Variants in PRKD3 observed in about 807,000 individuals in gnomAD.
PRKD3 encodes protein kinase D3.
A neutral mutation model predicts 99.2 loss-of-function variants in PRKD3; 47 were observed. The ratio of observed to expected loss-of-function variants is 0.47; its 90% CI spans 0.38 to 0.60. The LOEUF (loss-of-function observed/expected upper bound fraction) is 0.60. Among genes scored for constraint, PRKD3 ranks in the 20% least tolerant of loss-of-function variants. The pLI, the probability that PRKD3 is intolerant of heterozygous loss-of-function variation, is 0.00. For missense variants in PRKD3, 1,019 were observed against 1,088.4 expected, an observed-to-expected ratio of 0.94 and a Z score of 0.90; for synonymous variants, 392 against 355.4, an observed-to-expected ratio of 1.10 and a Z score of -1.16.
intron 7 of PRKD3, among the ~76,000 whole-genome samples, chr2:37,280,382 C>T (rs1305174071): frequency 6.6e-6 from 1 of 151,940 alleles, no homozygotes; most frequent in Non-Finnish European, 1.5e-5. Flanking sequence ...AAAAAATACA[C>T]AAATCATAAG....
At chr2:37,305,652 A>C (rs551109873) in intron 2 of PRKD3, among the ~76,000 whole-genome samples, 336 of 152,308 alleles carry the variant, frequency 2.2e-3, no homozygotes, top group Non-Finnish European at 3.7e-3. Context: ...AATAAGATAA[A>C]CACTTTATCT....
At chr2:37,316,215 C>T (rs968266453) in intron 2 of PRKD3, 22 bp downstream of exon 2, 6 of 1,573,580 alleles carry the variant, frequency 3.8e-6, no homozygotes, top group African/African-American at 1.4e-5. Context: ...TTATTTACTA[C>T]TGATAATAGC....
chr2:37,309,492 A>T (rs961903212), intron 2 of PRKD3, among the ~76,000 whole-genome samples: 14 of 152,362 alleles, frequency 9.2e-5, no homozygotes, highest in African/African-American at 3.1e-4. Context: ...TGACTAGTTA[A>T]ATCAGTTGAC....
rs569058480 is a variant in PRKD3 at position 37,308,634 on chromosome 2, T to A, written c.288+7603A>T. ...CACACCTGGCTAGTTTTTGTATTTT[T>A]AGTAGAGACAGGCTTTTGCCATGTT... On this transcript the variant is annotated intron_variant, in intron 2 of 18. Coordinates refer to ENST00000234179, the MANE Select transcript of PRKD3 (RefSeq NM_005813.6). Among the ~76,000 whole-genome samples the A allele has an allele frequency of 2.1e-3, 319 of 152,070 alleles. 3 individuals carry two copies. Among genetic ancestry groups the A allele is most frequent in the Non-Finnish European group, 1.7e-3 (114 of 67,974 alleles).
chr2:37,316,236 C>T lies in PRKD3; in HGVS notation c.288+1G>A. ...ACTACTGATAATAGCACACACAGTA[C>T]CTTTTGATAAACTATGGAGCACACA... On this transcript the variant is annotated splice_donor_variant, in intron 2 of 18. Coordinates refer to ENST00000234179, the MANE Select transcript of PRKD3 (RefSeq NM_005813.6). LOFTEE classifies it high-confidence loss of function. The T allele has an allele frequency of 6.2e-7, 1 of 1,606,384 alleles. No homozygotes were observed. The highest frequency in any genetic ancestry group is 8.5e-7 in the Non-Finnish European group (1 of 1,173,124).
At chr2:37,313,865 A>G (rs1490877342) in intron 2 of PRKD3, among the ~76,000 whole-genome samples, 1 of 152,186 alleles carries the variant, frequency 6.6e-6, no homozygotes, top group Non-Finnish European at 1.5e-5. Flanking sequence ...CTTCAACTTA[A>G]TATTTTCAAC....
intron 2 of PRKD3, among the ~76,000 whole-genome samples, chr2:37,303,018 G>A (rs1247587681): frequency 6.6e-6 from 1 of 152,052 alleles, no homozygotes; most frequent in Non-Finnish European, 1.5e-5. Context: ...ACTACCTACG[G>A]CCGGCCCCAC....
At chr2:37,295,270 G>A (rs1490819363) in intron 2 of PRKD3, among the ~76,000 whole-genome samples, 1 of 151,766 alleles carries the variant, frequency 6.6e-6, no homozygotes, top group Non-Finnish European at 1.5e-5. Context: ...TATAGTATAA[G>A]GCAAATAACA....
At chr2:37,260,698 C>T (rs1480964734) in intron 14 of PRKD3, among the ~76,000 whole-genome samples, 1 of 152,132 alleles carries the variant, frequency 6.6e-6, no homozygotes, top group African/African-American at 2.4e-5. Context: ...CATGCTTTCC[C>T]TGAATAGGCA....
intron 14 of PRKD3, among the ~76,000 whole-genome samples, chr2:37,262,727 G>A (rs768005120): frequency 1.6e-4 from 25 of 152,214 alleles, no homozygotes; most frequent in South Asian, 4.1e-4. Flanking sequence ...AAAAATAGAA[G>A]TATGCTGTAA....
chr2:37,290,270 C>T (rs1670340185), intron 4 of PRKD3, among the ~76,000 whole-genome samples: 1 of 152,026 alleles, frequency 6.6e-6, no homozygotes, highest in South Asian at 2.1e-4. Flanking sequence ...GCTCTTTCAC[C>T]CAGGCTGGAG....
At chr2:37,259,556 T>C in intron 16 of PRKD3, 27 bp downstream of exon 16, 1 of 1,548,902 alleles carries the variant, frequency 6.5e-7, no homozygotes, top group Non-Finnish European at 8.9e-7. Flanking sequence ...GCCAGAATCA[T>C]TTAAAAGGTT....
At chr2:37,261,747 T>G (rs1157021204) in intron 14 of PRKD3, among the ~76,000 whole-genome samples, 1 of 152,240 alleles carries the variant, frequency 6.6e-6, no homozygotes, top group African/African-American at 2.4e-5. Context: ...GCCATTGCAC[T>G]CTAGCCTGGG....
intron 5 of PRKD3, 73 bp downstream of exon 5, chr2:37,289,283 A>T: frequency 2.0e-6 from 3 of 1,487,240 alleles, no homozygotes; most frequent in Non-Finnish European, 2.8e-6. Context: ...TATGTTCTAG[A>T]GTGATGTCAT....
At chr2:37,286,509 G>A (rs1007593896) in intron 5 of PRKD3, 140 bp from the exon 6 acceptor site, 1 of 656,578 alleles carries the variant, frequency 1.5e-6, no homozygotes, top group South Asian at 2.5e-5. Flanking sequence ...AGTTTCCTTT[G>A]CAATGTTTAA....
At chr2:37,260,429 C>A (rs1237965986) in intron 14 of PRKD3, 45 bp from the exon 15 acceptor site, 1 of 1,434,032 alleles carries the variant, frequency 7.0e-7, no homozygotes, top group South Asian at 1.2e-5. Flanking sequence ...AGCAGAGAAA[C>A]AGTTTTACTA....
chr2:37,268,316 GTTCCTCTGA>G (rs779647063), intron 13 of PRKD3: 74 of 470,936 alleles, frequency 1.6e-4, no homozygotes, highest in Non-Finnish European at 2.9e-4. Flanking sequence ...ACAGTTCTTT[GTTCCTCTGA>G]TGACAGGAAG....
In PRKD3 at chr2:37,252,177, T is replaced by G. The variant is rs1667554142; in HGVS notation, c.*1000A>C. The stretch of plus-strand genomic sequence containing the variant: ...CAGATATCTGCAAAGCCCAATAGGC[T>G]AGGGGAAGGAGAAAAAAGGATACTG... On this transcript the variant is annotated 3_prime_UTR_variant, in exon 19 of 19. Coordinates refer to ENST00000234179, the MANE Select transcript of PRKD3 (RefSeq NM_005813.6). 1 of 152,084 alleles carries G rather than the reference T, an allele frequency of 6.6e-6. No homozygotes were observed. The highest frequency in any genetic ancestry group is 2.4e-5 in the African/African-American group (1 of 41,392). The allele number at this position is 152,084 out of a possible 1,614,324, so 9.4% of individuals were successfully genotyped here.
chr2:37,282,652 G>A (rs772969522), intron 6 of PRKD3, 33 bp from the exon 7 acceptor site: 2 of 1,443,264 alleles, frequency 1.4e-6, no homozygotes, highest in South Asian at 2.3e-5. Context: ...ATTAATTTAT[G>A]TAAAAGTCAA....
Sources: gnomAD v4.1 joint callset for allele counts (sites outside exome capture counted in the v4.1 genomes callset) on GRCh38, gnomAD v4.1.1 for gene constraint, MANE v1.5 for transcripts, NCBI Gene and HGNC (gene_info 2026-07-23, HGNC 2026-07-21) for gene names.